DIAPH3: variants seen among roughly 807,000 people sequenced by gnomAD.
The protein encoded by DIAPH3 is diaphanous related formin 3, also known as protein diaphanous homolog 3.
Under a neutral mutation model 144.3 loss-of-function variants are expected in DIAPH3, and 117 were observed. The ratio of observed to expected loss-of-function variants is 0.81; its 90% confidence interval spans 0.70 to 0.95. The LOEUF (loss-of-function observed/expected upper bound fraction) is 0.95, where lower values mean the gene tolerates loss of function less well. DIAPH3 is among the 40% of genes least tolerant of loss of function. The probability of loss-of-function intolerance (pLI) is 0.00; values close to 1 mark genes in which losing one functional copy is unlikely to be tolerated. For missense variants in DIAPH3, 1,421 were observed against 1,412.7 expected, an observed-to-expected ratio of 1.01 and a Z score of -0.09; for synonymous variants, 519 against 488.9, an observed-to-expected ratio of 1.06 and a Z score of -0.81.
chr13:59,667,314 A>C (rs2032077255), intron 27 of DIAPH3, among the ~76,000 whole-genome samples: 1 of 152,242 alleles, frequency 6.6e-6, no homozygotes, highest in Non-Finnish European at 1.5e-5. Context: ...CTGTCTTACT[A>C]GAATGTGTGC....
At chr13:59,756,599 C>A (rs1229448036) in intron 27 of DIAPH3, among the ~76,000 whole-genome samples, 1 of 151,862 alleles carries the variant, frequency 6.6e-6, no homozygotes, top group Admixed American at 6.5e-5. Flanking sequence ...GTTAAAATAG[C>A]CTGGAAGAGA....
chr13:60,142,573 T>C (rs550827064), intron 1 of DIAPH3, among the ~76,000 whole-genome samples: 140 of 152,248 alleles, frequency 9.2e-4, no homozygotes, highest in Admixed American at 2.0e-3. Context: ...GAGGTCTACA[T>C]GCAGATGGTA....
intron 5 of DIAPH3, among the ~76,000 whole-genome samples, chr13:60,033,081 C>A (rs1363362208): frequency 2.0e-5 from 3 of 152,220 alleles, no homozygotes; most frequent in Non-Finnish European, 4.4e-5. Flanking sequence ...TAAGGCATAC[C>A]ATGCATGACC....
intron 27 of DIAPH3, among the ~76,000 whole-genome samples, chr13:59,710,887 A>G (rs1405197900): frequency 2.0e-5 from 3 of 152,350 alleles, no homozygotes; most frequent in Non-Finnish European, 4.4e-5. Flanking sequence ...TTTAAGCAAC[A>G]CAATTTATTA....
chr13:59,844,022 G>C (rs552754805), intron 22 of DIAPH3, among the ~76,000 whole-genome samples: 11 of 151,490 alleles, frequency 7.3e-5, no homozygotes, highest in Non-Finnish European at 1.2e-4. Flanking sequence ...CCTAGGTAAT[G>C]GGTTTATAGA....
intron 27 of DIAPH3, among the ~76,000 whole-genome samples, chr13:59,694,610 T>C (rs965154345): frequency 9.2e-5 from 14 of 152,156 alleles, no homozygotes; most frequent in African/African-American, 3.4e-4. Flanking sequence ...GATGCCTACA[T>C]TTCTGCTTAA....
chr13:59,923,202 A>C (rs1402880513), intron 18 of DIAPH3, among the ~76,000 whole-genome samples: 1 of 152,208 alleles, frequency 6.6e-6, no homozygotes, highest in East Asian at 1.9e-4. Flanking sequence ...ACCCATTCAG[A>C]AAGAATTCTA....
At chr13:60,103,173 G>C (rs968620705) in intron 3 of DIAPH3, among the ~76,000 whole-genome samples, 1 of 151,880 alleles carries the variant, frequency 6.6e-6, no homozygotes, top group Non-Finnish European at 1.5e-5. Context: ...GGGGAAATAT[G>C]TAACTTAGTA....
intron 3 of DIAPH3, among the ~76,000 whole-genome samples, chr13:60,094,481 C>T (rs1026131446): frequency 3.3e-5 from 5 of 152,126 alleles, no homozygotes; most frequent in African/African-American, 1.2e-4. Flanking sequence ...AGAGGCTATT[C>T]TGGCAAAGGA....
intron 21 of DIAPH3, among the ~76,000 whole-genome samples, chr13:59,868,053 G>A (rs980095277): frequency 5.9e-5 from 9 of 151,984 alleles, no homozygotes; most frequent in Non-Finnish European, 2.9e-5. Flanking sequence ...GTCGCAGTGA[G>A]ACTGGCACTT....
intron 24 of DIAPH3, among the ~76,000 whole-genome samples, chr13:59,827,138 T>C (rs565829373): frequency 0.027 from 4,093 of 152,104 alleles, 197 homozygotes; most frequent in African/African-American, 0.093. Flanking sequence ...ACTTCATGTC[T>C]AAAACACCAA....
At chr13:59,933,946 G>A (rs2048144948) in intron 17 of DIAPH3, among the ~76,000 whole-genome samples, 1 of 151,952 alleles carries the variant, frequency 6.6e-6, no homozygotes, top group Non-Finnish European at 1.5e-5. Context: ...CATGTCACAT[G>A]GTTATACATA....
At chr13:59,732,969 T>G (rs1236068669) in intron 27 of DIAPH3, among the ~76,000 whole-genome samples, 1 of 152,192 alleles carries the variant, frequency 6.6e-6, no homozygotes, top group East Asian at 1.9e-4. Context: ...CGTGAAATTT[T>G]TGTTTTCAAT....
intron 25 of DIAPH3, among the ~76,000 whole-genome samples, chr13:59,807,124 T>A (rs1404628110): frequency 6.6e-6 from 1 of 151,954 alleles, no homozygotes; most frequent in Admixed American, 6.6e-5. Flanking sequence ...TATATGGTTA[T>A]ATGACTCACT....
chr13:59,767,262 A>C (rs9528038), intron 27 of DIAPH3, among the ~76,000 whole-genome samples: 52,009 of 152,078 alleles, frequency 0.34, 9,373 homozygotes, highest in African/African-American at 0.44. Flanking sequence ...ATTCACCAAG[A>C]ATTTGACATG....
At chr13:59,799,023 A>C (rs2039756037) in intron 25 of DIAPH3, among the ~76,000 whole-genome samples, 1 of 152,050 alleles carries the variant, frequency 6.6e-6, no homozygotes, top group Admixed American at 6.6e-5. Flanking sequence ...CTGCCTGGGG[A>C]AGAAAAAAAA....
chr13:59,829,068 G>A (rs565104610), intron 24 of DIAPH3, among the ~76,000 whole-genome samples: 6 of 151,922 alleles, frequency 3.9e-5, no homozygotes, highest in African/African-American at 1.4e-4. Context: ...CTCTCATAGA[G>A]CAAACAAAAA....
intron 7 of DIAPH3, among the ~76,000 whole-genome samples, chr13:60,011,901 T>C (rs755721232): frequency 1.3e-5 from 2 of 152,120 alleles, no homozygotes; most frequent in Non-Finnish European, 2.9e-5. Context: ...GAAGATAAGT[T>C]ATGTTAATGA....
At chr13:59,792,370 G>A (rs949720683) in intron 25 of DIAPH3, among the ~76,000 whole-genome samples, 2 of 152,146 alleles carry the variant, frequency 1.3e-5, no homozygotes, top group Admixed American at 6.5e-5. Context: ...TCACGCACAA[G>A]TCTACCCTCT....
Sources: allele counts gnomAD v4.1 joint callset (sites outside exome capture counted in the v4.1 genomes callset), GRCh38; gene constraint gnomAD v4.1.1; transcripts MANE v1.5; gene names NCBI Gene and HGNC (gene_info 2026-07-23, HGNC 2026-07-21).